Variants in NAV3 observed in about 807,000 individuals in gnomAD.
NAV3 encodes the protein pore membrane and/or filament interacting like protein 1.
NAV3 carries 87 observed loss-of-function variants against 244.7 expected under a neutral mutation model. That is an observed-to-expected ratio of 0.36 (90% CI 0.30 to 0.42). The LOEUF is 0.42. NAV3 is among the 20% of genes least tolerant of loss of function. The pLI, the probability that NAV3 is intolerant of heterozygous loss-of-function variation, is 1.00. For missense variants in NAV3, 2,663 were observed against 2,893.3 expected (o/e 0.92, Z 1.83); for synonymous variants, 1,126 against 1,042.2 (o/e 1.08, Z -1.55).
At chr12:77,686,131 T>TTATG (rs1004818146) in intron 2 of NAV3, among the ~76,000 whole-genome samples, 7 of 152,116 alleles carry the variant, frequency 4.6e-5, no homozygotes, top group Admixed American at 6.6e-5. Context: ...AGGGATGGAT[T>TTATG]TATGTATGTA....
exon 2 of NAV3, chr12:77,571,875 T>C (rs1401014643): frequency 1.3e-5 from 2 of 152,196 alleles, no homozygotes; most frequent in Non-Finnish European, 2.9e-5. Flanking sequence ...AGGAAATCTG[T>C]CATTTTTTAT....
chr12:77,936,939 A>G (rs1233081628), intron 1 of NAV3, among the ~76,000 whole-genome samples: 1 of 152,160 alleles, frequency 6.6e-6, no homozygotes, highest in African/African-American at 2.4e-5. Flanking sequence ...TTTGAAAGAG[A>G]GAAGTATGTT....
chr12:78,067,513 G>C (rs1325799702), intron 12 of NAV3, among the ~76,000 whole-genome samples: 1 of 151,968 alleles, frequency 6.6e-6, no homozygotes, highest in Non-Finnish European at 1.5e-5. Context: ...AATTAACTGT[G>C]CCCATTGTGA....
rs35767149 is a variant in NAV3 at position 77,666,179 on chromosome 12, G to GTTTTTTTT, written c.72+93925_72+93932dup. ...TGCTTCCAATAGCAACATGTTTACA[G>GTTTTTTTT]TTTTTTTTTTTTTTTTTTTGTCTAG... On this transcript the variant is annotated intron_variant, in intron 2 of 8. Transcript: ENST00000550042. 1.7e-5 allele frequency among the ~76,000 whole-genome samples: 2 copies of GTTTTTTTT among 119,192 alleles called. 1 individual carries two copies. Among genetic ancestry groups the GTTTTTTTT allele is most frequent in the Non-Finnish European group, 3.4e-5 (2 of 58,048 alleles). The allele number at this position is 119,192 out of a possible 152,430, so 78.2% of individuals were successfully genotyped here. A position where few individuals can be genotyped will look rare whatever the true frequency, so the allele number is the denominator to read the frequency against.
At chr12:78,201,146 C>T (rs1341376681) in intron 38 of NAV3, among the ~76,000 whole-genome samples, 1 of 146,180 alleles carries the variant, frequency 6.8e-6, no homozygotes, top group Admixed American at 7.0e-5. Flanking sequence ...AACCATGGCT[C>T]ACTGCAGCCT....
chr12:77,965,811 T>C (rs911791135), intron 3 of NAV3, among the ~76,000 whole-genome samples: 2 of 152,166 alleles, frequency 1.3e-5, no homozygotes, highest in Non-Finnish European at 2.9e-5. Flanking sequence ...CCTGTCTCCA[T>C]CTATCTATCT....
At chr12:77,930,366 T>C (rs1478164149) in intron 1 of NAV3, among the ~76,000 whole-genome samples, 1 of 152,190 alleles carries the variant, frequency 6.6e-6, no homozygotes, top group Admixed American at 6.5e-5. Flanking sequence ...GTTTGTTGTT[T>C]TTTTTCTATA....
At chr12:78,178,326 A>AT (rs1958342723) in intron 28 of NAV3, among the ~76,000 whole-genome samples, 1 of 151,550 alleles carries the variant, frequency 6.6e-6, no homozygotes, top group Non-Finnish European at 1.5e-5. Flanking sequence ...CACCTGGCTA[A>AT]TTTTTTGTAT....
At chr12:77,823,864 C>T (rs187386467) in intron 2 of NAV3, among the ~76,000 whole-genome samples, 1 of 152,046 alleles carries the variant, frequency 6.6e-6, no homozygotes, top group East Asian at 1.9e-4. Context: ...TAAATATGCT[C>T]CATATGTTCA....
chr12:77,714,498 C>G (rs997480131), intron 2 of NAV3, among the ~76,000 whole-genome samples: 3 of 152,044 alleles, frequency 2.0e-5, no homozygotes, highest in South Asian at 2.1e-4. Flanking sequence ...GAAGGTACAG[C>G]CTTGCTCGAG....
chr12:77,992,840 C>T (rs1433418838), intron 5 of NAV3, among the ~76,000 whole-genome samples: 3 of 152,070 alleles, frequency 2.0e-5, no homozygotes, highest in East Asian at 1.9e-4. Flanking sequence ...TGCCATAATG[C>T]CTGGTCTATG....
chr12:77,821,884 T>C (rs538519890), intron 2 of NAV3, among the ~76,000 whole-genome samples: 4 of 152,138 alleles, frequency 2.6e-5, no homozygotes, highest in African/African-American at 9.7e-5. Flanking sequence ...GCATAACTGT[T>C]TTTTTAGGTT....
chr12:77,699,173 T>C (rs1489329450), intron 2 of NAV3, among the ~76,000 whole-genome samples: 2 of 152,122 alleles, frequency 1.3e-5, no homozygotes, highest in Non-Finnish European at 1.5e-5. Flanking sequence ...CATGAAGCAA[T>C]AGAAGACACG....
At chr12:77,741,210 G>C (rs1868329540) in intron 2 of NAV3, among the ~76,000 whole-genome samples, 1 of 141,102 alleles carries the variant, frequency 7.1e-6, no homozygotes, top group African/African-American at 2.6e-5. Flanking sequence ...GGCAAAGATA[G>C]AGAAGGAAGC....
At chr12:77,962,857 A>T (rs1228168139) in intron 3 of NAV3, among the ~76,000 whole-genome samples, 1 of 152,052 alleles carries the variant, frequency 6.6e-6, no homozygotes, top group Non-Finnish European at 1.5e-5. Context: ...TGAAACTTTG[A>T]CTCCATTATA....
At chr12:77,666,933 G>A (rs1873741325) in intron 2 of NAV3, among the ~76,000 whole-genome samples, 2 of 152,076 alleles carry the variant, frequency 1.3e-5, no homozygotes, top group African/African-American at 4.8e-5. Flanking sequence ...TTAAAATAAG[G>A]CTATCTTATA....
At chr12:77,820,089 A>AATGT (rs374595994) in intron 2 of NAV3, among the ~76,000 whole-genome samples, 2 of 151,072 alleles carry the variant, frequency 1.3e-5, no homozygotes, top group Non-Finnish European at 3.0e-5. Flanking sequence ...AATAAATTGA[A>AATGT]GTGTGTGTGT....
chr12:78,047,857 G>A (rs915586406), intron 9 of NAV3, among the ~76,000 whole-genome samples: 6 of 152,064 alleles, frequency 3.9e-5, no homozygotes, highest in African/African-American at 1.4e-4. Context: ...TCAAACCTAG[G>A]TTTGGTCTTT....
rs375185928 is a variant in NAV3, at chr12:78,021,834, T to C, written c.1995T>C (p.Thr665=). The change falls in exon 9 of 40, where the codon ACT becomes ACC. Residue 665 remains threonine (T), a synonymous_variant. Coordinates refer to ENST00000397909, the MANE Select transcript of NAV3 (RefSeq NM_001024383.2). ...AGATGGACTTATCATATAGTAAGAC[T>C]GCTAAGCAGTGCCTGGAGGAGATAT... is the stretch of plus-strand genomic sequence containing the variant. ...PTKMDLSYSK[T]AKQCLEEISG... is the part of the protein sequence containing the mutation. 80 of 1,610,212 alleles carry C rather than the reference T, an allele frequency of 5.0e-5. No homozygotes were observed. The highest frequency in any genetic ancestry group is 6.7e-5 in the Non-Finnish European group (79 of 1,177,988).
Sources: allele counts gnomAD v4.1 joint callset (sites outside exome capture counted in the v4.1 genomes callset), GRCh38; gene constraint gnomAD v4.1.1; transcripts MANE v1.5; gene names NCBI Gene and HGNC (gene_info 2026-07-23, HGNC 2026-07-21).